Variants in USP3 observed in about 807,000 individuals in gnomAD.
USP3 encodes the protein ubiquitin carboxyl-terminal hydrolase 3.
Under a neutral mutation model 72.3 loss-of-function variants are expected in USP3, and 20 were observed. That is an observed-to-expected ratio of 0.28 (90% CI 0.19 to 0.40). The LOEUF is 0.40. USP3 is among the 10% of genes least tolerant of loss of function. The pLI, the probability that USP3 is intolerant of heterozygous loss-of-function variation, is 1.00. For missense variants in USP3, 479 were observed against 633.9 expected, an observed-to-expected ratio of 0.76 and a Z score of 2.62; for synonymous variants, 222 against 225.3, an observed-to-expected ratio of 0.99 and a Z score of 0.13.
In USP3 at chr15:63,544,528, A is replaced by G. The variant is rs2066292274; in HGVS notation, c.284+7372A>G. 3 of 569,956 alleles carry G rather than the reference A, an allele frequency of 5.3e-6. No individual in the cohort carries two copies. Among genetic ancestry groups the G allele is most frequent in the Non-Finnish European group, 9.3e-6 (3 of 323,526 alleles). 35.3% of individuals were successfully genotyped at this position (569,956 alleles called of 1,614,324 possible). On this transcript the variant is annotated intron_variant, in intron 3 of 14. Coordinates refer to ENST00000380324, the MANE Select transcript of USP3 (RefSeq NM_006537.4). The surrounding 1 kb of genome is among the most constrained non-coding windows in gnomAD (Gnocchi z 4.2). ...CAAGTAGTGCAGGGCAAAAACAGGAAGGAAACGAGTGTTTCTAAAGTTAGA... is the reference window on the plus strand; with the variant it reads ...CAAGTAGTGCAGGGCAAAAACAGGAGGGAAACGAGTGTTTCTAAAGTTAGA...
intron 1 of USP3, among the ~76,000 whole-genome samples, chr15:63,530,931 CT>C (rs1233631870): frequency 6.6e-6 from 1 of 152,152 alleles, no homozygotes; most frequent in Non-Finnish European, 1.5e-5. Context: ...TCTTCCGCAC[CT>C]TTCTGTCATG....
At chr15:63,508,677 C>T (rs945573536) in intron 1 of USP3, among the ~76,000 whole-genome samples, 4 of 151,994 alleles carry the variant, frequency 2.6e-5, no homozygotes, top group African/African-American at 9.7e-5. Context: ...AAGAGTTTAA[C>T]CAGTGGGAAA....
intron 1 of USP3, among the ~76,000 whole-genome samples, chr15:63,514,572 T>G (rs2065827510): frequency 6.6e-6 from 1 of 152,184 alleles, no homozygotes; most frequent in Non-Finnish European, 1.5e-5. Context: ...CTCCACTTTG[T>G]ACTTTAGTGT....
chr15:63,541,561 G>T (rs867219939), intron 3 of USP3, among the ~76,000 whole-genome samples: 36 of 152,076 alleles, frequency 2.4e-4, no homozygotes, highest in Non-Finnish European at 2.5e-4. Context: ...AGATAAGCTG[G>T]TACTTGTCTG....
At chr15:63,554,414 C>G (rs2066479068) in intron 4 of USP3, among the ~76,000 whole-genome samples, 4 of 152,274 alleles carry the variant, frequency 2.6e-5, no homozygotes, top group African/African-American at 9.6e-5. Flanking sequence ...TTAGATAAAA[C>G]TCACTGGACC....
At chr15:63,548,173 C>T (rs891202593) in intron 3 of USP3, among the ~76,000 whole-genome samples, 34 of 150,426 alleles carry the variant, frequency 2.3e-4, no homozygotes, top group African/African-American at 7.6e-4. Context: ...CTCTGTCACC[C>T]AGCTGGAGTG....
intron 1 of USP3, among the ~76,000 whole-genome samples, chr15:63,511,669 G>A (rs1364659388): frequency 2.0e-5 from 3 of 152,064 alleles, no homozygotes; most frequent in Non-Finnish European, 2.9e-5. Flanking sequence ...TTTTTAAAAT[G>A]GGTTTCAGTT....
intron 6 of USP3, among the ~76,000 whole-genome samples, chr15:63,558,557 AC>A (rs926986687): frequency 2.0e-5 from 3 of 148,186 alleles, no homozygotes; most frequent in African/African-American, 7.4e-5. Flanking sequence ...GATATCCCCC[AC>A]CCCCCCGCTC....
intron 1 of USP3, among the ~76,000 whole-genome samples, chr15:63,520,420 A>C: frequency 6.6e-6 from 1 of 152,180 alleles, no homozygotes; most frequent in South Asian, 2.1e-4. Flanking sequence ...ATTTGTTTAC[A>C]GTTCTTTTTG....
In USP3 at chr15:63,593,649, T is replaced by C. The variant is rs1014980470; in HGVS notation, c.*2823T>C. The C allele has an allele frequency of 6.6e-6, 1 of 152,266 alleles. No homozygotes were observed. The highest frequency in any genetic ancestry group is 2.4e-5 in the African/African-American group (1 of 41,468). 9.4% of individuals were successfully genotyped at this position (152,266 alleles called of 1,614,324 possible). A position where few individuals can be genotyped will look rare whatever the true frequency, so the allele number is the denominator to read the frequency against. On this transcript the variant is annotated 3_prime_UTR_variant, in exon 15 of 15. Coordinates refer to ENST00000380324, the MANE Select transcript of USP3 (RefSeq NM_006537.4). ...ACGTTTGAATGGTGTGAAGATTCTT[T>C]AGAAAAGTGATTGGATCCATCTCAA...
At chr15:63,590,593 T>C in intron 14 of USP3, 68 bp from the exon 15 acceptor site, 2 of 1,370,994 alleles carry the variant, frequency 1.5e-6, no homozygotes, top group East Asian at 2.5e-5. Context: ...AATCTAACAT[T>C]ATATAGTTGT....
chr15:63,527,006 C>A (rs369785667), intron 1 of USP3, among the ~76,000 whole-genome samples: 1 of 152,156 alleles, frequency 6.6e-6, no homozygotes, highest in Admixed American at 6.5e-5. Flanking sequence ...GGGATTCTCC[C>A]GCCTCAGCCT....
At position 63,590,641 on chromosome 15, in the gene USP3, T is replaced by C; in HGVS notation, c.1398-20T>C. The C allele has an allele frequency of 6.6e-7, 1 of 1,525,768 alleles. No individual in the cohort carries two copies. Among genetic ancestry groups the C allele is most frequent in the African/African-American group, 1.4e-5 (1 of 70,876 alleles). 94.5% of individuals were successfully genotyped at this position (1,525,768 alleles called of 1,614,324 possible). On this transcript the variant is annotated intron_variant, in intron 14 of 14. Coordinates refer to ENST00000380324, the MANE Select transcript of USP3 (RefSeq NM_006537.4). The stretch of plus-strand genomic sequence containing the variant: ...GTGATTTCTGAGGTTCTTTTTTCCT[T>C]TGGTCTTTTGCCTTTACAGGGTTGG...
intron 11 of USP3, among the ~76,000 whole-genome samples, chr15:63,583,685 G>GA (rs2067003518): frequency 6.6e-6 from 1 of 152,044 alleles, no homozygotes; most frequent in South Asian, 2.1e-4. Context: ...TATCCTCTAT[G>GA]AATTTGTCTA....
intron 7 of USP3, 26 bp from the exon 8 acceptor site, chr15:63,562,869 G>A: frequency 2.0e-6 from 3 of 1,506,378 alleles, no homozygotes; most frequent in Non-Finnish European, 2.7e-6. Context: ...ACTAATCTGA[G>A]GGCACTGTCC....
At chr15:63,511,693 C>T (rs138057894) in intron 1 of USP3, among the ~76,000 whole-genome samples, 53 of 152,236 alleles carry the variant, frequency 3.5e-4, no homozygotes, top group Admixed American at 4.6e-4. Flanking sequence ...GAAGTCTCTC[C>T]ACCCCCCTTA....
chr15:63,546,080 T>G (rs2066322994), intron 3 of USP3, among the ~76,000 whole-genome samples: 1 of 151,524 alleles, frequency 6.6e-6, no homozygotes, highest in African/African-American at 2.4e-5. Flanking sequence ...GCCTAAAACT[T>G]GGTCATATAA....
At chr15:63,541,112 C>T (rs558550289) in intron 3 of USP3, among the ~76,000 whole-genome samples, 6 of 152,046 alleles carry the variant, frequency 3.9e-5, no homozygotes, top group African/African-American at 1.2e-4. Context: ...CTTCGATATC[C>T]TTATCAATAA....
intron 8 of USP3, among the ~76,000 whole-genome samples, chr15:63,568,703 G>A (rs2066732943): frequency 6.6e-6 from 1 of 152,172 alleles, no homozygotes; most frequent in Non-Finnish European, 1.5e-5. Context: ...AGTCAATGAA[G>A]TTATACATTT....
Sources: allele counts gnomAD v4.1 joint callset (sites outside exome capture counted in the v4.1 genomes callset), GRCh38; gene constraint gnomAD v4.1.1; non-coding constraint Gnocchi (gnomAD v3.1); transcripts MANE v1.5; gene names NCBI Gene and HGNC (gene_info 2026-07-23, HGNC 2026-07-21).